The following PDE4B variants were observed in gnomAD, a reference collection of about 807,000 sequenced individuals.
PDE4B encodes 3',5'-cyclic-AMP phosphodiesterase 4B.
A neutral mutation model predicts 82.2 loss-of-function variants in PDE4B; 20 were observed. That is an observed-to-expected ratio of 0.24 (90% CI 0.17 to 0.35). The LOEUF is 0.35. PDE4B is among the 10% of genes least tolerant of loss of function. PDE4B has a pLI of 1.00. For synonymous variants in PDE4B, 320 were observed against 318.9 expected, an observed-to-expected ratio of 1.00 and a Z score of -0.04; for missense variants, 655 against 907.2, an observed-to-expected ratio of 0.72 and a Z score of 3.57.
At chr1:66,015,297 C>T (rs1377289776) in intron 3 of PDE4B, among the ~76,000 whole-genome samples, 2 of 152,108 alleles carry the variant, frequency 1.3e-5, no homozygotes, top group African/African-American at 2.4e-5. Flanking sequence ...GGCCTAGCTG[C>T]TCCTCCTACT....
intron 1 of PDE4B, among the ~76,000 whole-genome samples, chr1:65,881,573 CA>C (rs1646709183): frequency 1.3e-5 from 2 of 152,188 alleles, no homozygotes; most frequent in Admixed American, 6.5e-5. Context: ...TCTTTAAAAG[CA>C]CGTGTGCTGG....
chr1:66,308,096 C>T (rs780525910), intron 7 of PDE4B, among the ~76,000 whole-genome samples: 2 of 152,056 alleles, frequency 1.3e-5, no homozygotes, highest in African/African-American at 2.4e-5. Flanking sequence ...CAAAAAGACC[C>T]ACAGGAGTAA....
chr1:65,972,447 G>A (rs895716519), intron 3 of PDE4B, among the ~76,000 whole-genome samples: 2 of 152,058 alleles, frequency 1.3e-5, no homozygotes, highest in African/African-American at 2.4e-5. Context: ...ATTTTTTCTC[G>A]GTATAACATT....
In PDE4B at chr1:66,355,575, C is replaced by G; in HGVS notation, c.796C>G (p.Arg266Gly). 2 of 1,612,302 alleles carry G rather than the reference C, an allele frequency of 1.2e-6. No individual in the cohort carries two copies. Among genetic ancestry groups the G allele is most frequent in the Non-Finnish European group, 1.7e-6 (2 of 1,178,682 alleles). The change falls in exon 9 of 17, where the codon CGA becomes GGA. Residue 266 changes from arginine (R) to glycine (G), a missense_variant. Physicochemically the swap from Arg to Gly is moderately radical, Grantham distance 125 (BLOSUM62 -2). Around this residue, in one of 3 missense-constraint regions of PDE4B, gnomAD observed 283 missense variants for 516.4 expected, o/e 0.55. Transcript: ENST00000341517. ...RELTHLSEMS[R>G]SGNQVSEYIS... ...GCTGACACACCTCTCAGAGATGAGCCGATCAGGGAACCAGGTGTCTGAATA... is the reference window on the plus strand; with the variant it reads ...GCTGACACACCTCTCAGAGATGAGCGGATCAGGGAACCAGGTGTCTGAATA...
chr1:65,884,060 AG>A (rs1646741530), intron 1 of PDE4B, among the ~76,000 whole-genome samples: 3 of 152,140 alleles, frequency 2.0e-5, no homozygotes, highest in Admixed American at 1.3e-4. Flanking sequence ...TTGGTTTGCC[AG>A]TATTTTATTG....
chr1:65,922,256 T>A (rs1444294107), intron 3 of PDE4B, among the ~76,000 whole-genome samples: 1 of 152,170 alleles, frequency 6.6e-6, no homozygotes, highest in East Asian at 1.9e-4. Flanking sequence ...ATGTGGAAAA[T>A]TAAAGAAAAG....
intron 7 of PDE4B, among the ~76,000 whole-genome samples, chr1:66,285,359 A>G (rs1287920868): frequency 6.6e-6 from 1 of 152,122 alleles, no homozygotes. Context: ...ATTTTTAAAA[A>G]TATATTTAGG....
chr1:66,144,441 C>T (rs1260295386), intron 3 of PDE4B, among the ~76,000 whole-genome samples: 3 of 152,132 alleles, frequency 2.0e-5, no homozygotes, highest in African/African-American at 7.2e-5. Flanking sequence ...ATTCCTGAAA[C>T]TCTAGTAGAG....
intron 1 of PDE4B, among the ~76,000 whole-genome samples, chr1:65,877,571 T>G (rs1646660122): frequency 6.6e-6 from 1 of 151,770 alleles, no homozygotes; most frequent in Admixed American, 6.6e-5. Flanking sequence ...GCCAAGATCA[T>G]GCCACTGTAC....
intron 1 of PDE4B, among the ~76,000 whole-genome samples, chr1:65,846,805 G>A (rs1481068936): frequency 6.6e-6 from 1 of 152,138 alleles, no homozygotes; most frequent in Non-Finnish European, 1.5e-5. Context: ...CAAATGGAGT[G>A]TTTTTATCAT....
intron 1 of PDE4B, among the ~76,000 whole-genome samples, chr1:65,909,654 A>T (rs1056120197): frequency 2.6e-5 from 4 of 152,232 alleles, no homozygotes; most frequent in Non-Finnish European, 5.9e-5. Flanking sequence ...GGAATCTGTC[A>T]TCACATTTGT....
intron 3 of PDE4B, among the ~76,000 whole-genome samples, chr1:66,075,979 T>C (rs1358181912): frequency 6.6e-6 from 1 of 151,988 alleles, no homozygotes; most frequent in Non-Finnish European, 1.5e-5. Flanking sequence ...CTGAATTTGA[T>C]GTGCAGGCCA....
chr1:65,953,328 G>T (rs1344669559), intron 3 of PDE4B, among the ~76,000 whole-genome samples: 1 of 152,062 alleles, frequency 6.6e-6, no homozygotes, highest in Non-Finnish European at 1.5e-5. Flanking sequence ...ACAATCCCAG[G>T]AAGCTGTGAC....
chr1:65,820,681 C>A (rs1645941891), intron 1 of PDE4B, among the ~76,000 whole-genome samples: 1 of 152,152 alleles, frequency 6.6e-6, no homozygotes, highest in South Asian at 2.1e-4. Context: ...GAAAATTAAT[C>A]CCTTGGGTTC....
Position 66,361,649 on chromosome 1 carries a change from C to A in PDE4B, c.876C>A (p.Thr292=), listed in dbSNP as rs745368489. 3 of 1,613,044 alleles carry A rather than the reference C, an allele frequency of 1.9e-6. No homozygotes were observed. In the African/African-American group the frequency reaches 4.0e-5, roughly 22 times the overall value. The stretch of plus-strand genomic sequence containing the variant: ...ATGATGTGGAGATCCCATCTCCTAC[C>A]CAGAAAGACAGGGAGAAAAAGAAAA... ...KQNDVEIPSP[T]QKDREKKKKQ... is the part of the protein sequence containing the mutation. The change falls in exon 10 of 17, where the codon ACC becomes ACA. Residue 292 remains threonine, a synonymous_variant. Transcript: ENST00000341517.
At chr1:65,875,088 T>C (rs1442504962) in intron 1 of PDE4B, among the ~76,000 whole-genome samples, 1 of 151,232 alleles carries the variant, frequency 6.6e-6, no homozygotes, top group Non-Finnish European at 1.5e-5. Context: ...TACAATGAAC[T>C]CAAACAAATG....
chr1:66,302,386 A>C lies in PDE4B; in HGVS notation c.635-30122A>C, dbSNP rs528943431. Among the ~76,000 whole-genome samples, 13 of 152,262 alleles carry C rather than the reference A, an allele frequency of 8.5e-5. No homozygotes were observed. In the East Asian group the frequency reaches 2.3e-3, roughly 27 times the overall value. The stretch of plus-strand genomic sequence containing the variant: ...GTTATGTGGCTTGGGAAAATCTATA[A>C]ACTGGTCTTTTGGCTTTGATCACCT... On this transcript the variant is annotated intron_variant, in intron 7 of 16. Coordinates refer to ENST00000341517, the MANE Select transcript of PDE4B (RefSeq NM_002600.4).
At chr1:66,093,127 C>G (rs1645055874) in intron 3 of PDE4B, among the ~76,000 whole-genome samples, 1 of 151,936 alleles carries the variant, frequency 6.6e-6, no homozygotes, top group South Asian at 2.1e-4. Flanking sequence ...GGCATTCGGA[C>G]AGACTGTGCT....
chr1:66,364,969 C>T (rs986692017), intron 12 of PDE4B, among the ~76,000 whole-genome samples: 6 of 152,158 alleles, frequency 3.9e-5, no homozygotes, highest in Non-Finnish European at 1.5e-5. Flanking sequence ...AAAGACATTT[C>T]AGCTCTAGAA....
Sources: gnomAD v4.1 joint callset for allele counts (sites outside exome capture counted in the v4.1 genomes callset) on GRCh38, gnomAD v4.1.1 for gene constraint, gnomAD v4.1.1 regional missense constraint, MANE v1.5 for transcripts, NCBI Gene and HGNC (gene_info 2026-07-23, HGNC 2026-07-21) for gene names.